Variants in IQCM observed in about 807,000 individuals in gnomAD.
IQCM encodes the protein IQ domain-containing protein M.
A neutral mutation model predicts 57.6 loss-of-function variants in IQCM; 45 were observed. The observed-to-expected ratio is 0.78, with a 90% CI of 0.62 to 1.00. IQCM has a LOEUF of 1.00. Among genes scored for constraint, IQCM ranks in the 50% least tolerant of loss-of-function variants. IQCM has a pLI of 0.00. For missense variants in IQCM, 468 were observed against 511.6 expected (o/e 0.91, Z 0.82); for synonymous variants, 148 against 158.9 (o/e 0.93, Z 0.51).
intron 2 of IQCM, chr4:149,789,979 G>T: frequency 3.1e-6 from 1 of 322,126 alleles, no homozygotes; most frequent in Non-Finnish European, 6.1e-6. Context: ...AAAGGCAGAA[G>T]AGAAGATACT....
intron 12 of IQCM, among the ~76,000 whole-genome samples, chr4:149,454,453 A>G (rs975237557): frequency 1.3e-5 from 2 of 151,784 alleles, no homozygotes; most frequent in Non-Finnish European, 2.9e-5. Flanking sequence ...AACAGACACC[A>G]GGTCCTACTT....
chr4:149,481,919 CT>C lies in IQCM; in HGVS notation c.1229-48363del, dbSNP rs1019234767. 7.7e-3 allele frequency among the ~76,000 whole-genome samples: 33 copies of C among 4,312 alleles called. No homozygotes were observed. The South Asian group carries it at 0.17, about 23-fold the overall frequency. 2.8% of individuals were successfully genotyped at this position (4,312 alleles called of 152,430 possible). A position where few individuals can be genotyped will look rare whatever the true frequency, so the allele number is the denominator to read the frequency against. ...AATGCATTAACATGGAGTATCTTTCCTTTTTTTGGGGGGGTTGGTTTTCTTC... is the reference window on the plus strand; with the variant it reads ...AATGCATTAACATGGAGTATCTTTCCTTTTTTGGGGGGGTTGGTTTTCTTC... On this transcript the variant is annotated intron_variant, in intron 12 of 13. Coordinates refer to ENST00000636793, the MANE Select transcript of IQCM (RefSeq NM_001363507.2).
At chr4:149,409,465 C>T (rs533591589) in intron 13 of IQCM, among the ~76,000 whole-genome samples, 9 of 152,322 alleles carry the variant, frequency 5.9e-5, no homozygotes, top group African/African-American at 1.4e-4. Flanking sequence ...GTAGAAATCA[C>T]GGGGCTGCTT....
chr4:149,783,350 A>G (rs1399555119), intron 2 of IQCM, among the ~76,000 whole-genome samples: 1 of 152,202 alleles, frequency 6.6e-6, no homozygotes, highest in East Asian at 1.9e-4. Flanking sequence ...AGTATTAACA[A>G]ACGCTCTCAA....
At chr4:149,592,374 T>A (rs1753279877) in intron 8 of IQCM, among the ~76,000 whole-genome samples, 1 of 152,190 alleles carries the variant, frequency 6.6e-6, no homozygotes, top group African/African-American at 2.4e-5. Context: ...GTCAGATGGG[T>A]AGATTGCAAA....
At chr4:149,470,522 T>C (rs940467881) in intron 12 of IQCM, among the ~76,000 whole-genome samples, 7 of 152,080 alleles carry the variant, frequency 4.6e-5, no homozygotes, top group African/African-American at 9.7e-5. Context: ...ACAATAATAA[T>C]GGGAGACTTT....
intron 5 of IQCM, among the ~76,000 whole-genome samples, chr4:149,719,211 G>A (rs927858778): frequency 8.6e-5 from 13 of 152,020 alleles, no homozygotes; most frequent in Non-Finnish European, 1.3e-4. Flanking sequence ...GGGTGTGGTG[G>A]CACATGCCTG....
Position 149,695,974 on chromosome 4 carries a change from A to C in IQCM, c.386-9506T>G, listed in dbSNP as rs979447790. On this transcript the variant is annotated intron_variant, in intron 5 of 13. Transcript: ENST00000636793. ...AAAAGAATTGCAAAAAGTCAAATGA[A>C]AGATTTTTAACTTAGATTACTACTT... 3.3e-5 allele frequency among the ~76,000 whole-genome samples: 5 copies of C among 152,312 alleles called. No individual in the cohort carries two copies. The South Asian group carries it at 1.0e-3, about 32-fold the overall frequency.
Position 149,369,014 on chromosome 4 carries a change from G to GTATA in IQCM, c.1391-16952_1391-16949dup, listed in dbSNP as rs59034048. On this transcript the variant is annotated intron_variant, in intron 13 of 13. Transcript: ENST00000636793. ...CGTGTATATATATATATATACACGT[G>GTATA]TATATATATATATATACATGTGTAT... Among the ~76,000 whole-genome samples, 310 of 53,842 alleles carry GTATA rather than the reference G, an allele frequency of 5.8e-3. 52 individuals are homozygous for GTATA. The highest frequency in any genetic ancestry group is 0.015 in the African/African-American group (179 of 11,564). The allele number at this position is 53,842 out of a possible 152,430, so 35.3% of individuals were successfully genotyped here.
At chr4:149,404,661 A>C (rs912568015) in intron 13 of IQCM, among the ~76,000 whole-genome samples, 1 of 152,074 alleles carries the variant, frequency 6.6e-6, no homozygotes, top group Non-Finnish European at 1.5e-5. Context: ...AAATTAAATC[A>C]GATATGGAAC....
At chr4:149,713,927 G>A (rs1023211938) in intron 5 of IQCM, among the ~76,000 whole-genome samples, 1 of 151,954 alleles carries the variant, frequency 6.6e-6, no homozygotes, top group African/African-American at 2.4e-5. Flanking sequence ...TCTTAAATAA[G>A]GGGAAAAAAG....
At position 149,733,353 on chromosome 4, in the gene IQCM, C is replaced by G; in HGVS notation, c.276G>C (p.Glu92Asp). 8.1e-7 allele frequency: 1 copy of G among 1,231,790 alleles called. No homozygotes were observed. Among genetic ancestry groups the G allele is most frequent in the Non-Finnish European group, 1.0e-6 (1 of 987,764 alleles). 76.3% of individuals were successfully genotyped at this position (1,231,790 alleles called of 1,614,324 possible). ...AALRRICFPK[E>D]LSKSEHLQEP... ...CCTGAAGATGCTCGCTTTTGGAAAG[C>G]TCCTTGGGAAAGCAAATCCTTCTGA... The change falls in exon 5 of 14, where the codon GAG becomes GAC. Residue 92 changes from glutamate (E) to aspartate (D), a missense_variant. Physicochemically the swap from Glu to Asp is conservative, Grantham distance 45 (BLOSUM62 2). Transcript: ENST00000636793.
chr4:149,570,297 T>C (rs1372222427), intron 9 of IQCM, among the ~76,000 whole-genome samples: 1 of 152,084 alleles, frequency 6.6e-6, no homozygotes, highest in Non-Finnish European at 1.5e-5. Context: ...TTTTAATATA[T>C]AACATTTAAA....
intron 5 of IQCM, among the ~76,000 whole-genome samples, chr4:149,713,603 T>G (rs1764743856): frequency 1.3e-5 from 2 of 152,200 alleles, no homozygotes; most frequent in African/African-American, 4.8e-5. Context: ...CCCCCTGCCC[T>G]TACTTTCAGC....
chr4:149,436,406 G>A (rs572253861), intron 12 of IQCM, among the ~76,000 whole-genome samples: 1 of 152,162 alleles, frequency 6.6e-6, no homozygotes, highest in Non-Finnish European at 1.5e-5. Context: ...AGTGAGTGTT[G>A]AATTTGCAAG....
At chr4:149,368,684 T>C (rs1163986799) in intron 13 of IQCM, among the ~76,000 whole-genome samples, 2 of 147,602 alleles carry the variant, frequency 1.4e-5, no homozygotes, top group African/African-American at 2.5e-5. Flanking sequence ...AGGGGAATGA[T>C]TGGAAAATAC....
chr4:149,764,702 C>T (rs917025897), intron 2 of IQCM, among the ~76,000 whole-genome samples: 1 of 152,102 alleles, frequency 6.6e-6, no homozygotes, highest in African/African-American at 2.4e-5. Context: ...CCCTGCCTTT[C>T]TACAACTCTC....
rs1034395448 is a variant in IQCM at position 149,352,029 on chromosome 4, C to T, written c.1428G>A (p.Arg476=). Residue 476 remains arginine (R), a synonymous_variant, in exon 14 of 14, where the codon CGG becomes CGA. Transcript: ENST00000636793. The part of the protein sequence containing the change: ...GHPALKRANI[R]VVGKLVARSI... ...ATCGGGCCACCAACTTTCCAACAAC[C>T]CGGATGTTAGCTCGTTTGAGTGCTG... The T allele has an allele frequency of 7.5e-6, 3 of 398,762 alleles. No homozygotes were observed. The highest frequency in any genetic ancestry group is 6.2e-5 in the African/African-American group (3 of 48,602). 24.7% of individuals were successfully genotyped at this position (398,762 alleles called of 1,614,324 possible).
chr4:149,655,321 C>T (rs988654343), intron 7 of IQCM, among the ~76,000 whole-genome samples: 2 of 152,074 alleles, frequency 1.3e-5, no homozygotes, highest in Non-Finnish European at 2.9e-5. Flanking sequence ...CATAAAAATT[C>T]TTGTAATGGA....
Sources: gnomAD v4.1 joint callset for allele counts (sites outside exome capture counted in the v4.1 genomes callset) on GRCh38, gnomAD v4.1.1 for gene constraint, MANE v1.5 for transcripts, NCBI Gene and HGNC (gene_info 2026-07-23, HGNC 2026-07-21) for gene names.